GAREM1: variants seen among roughly 807,000 people sequenced by gnomAD.
GAREM1 encodes GRB2 associated regulator of MAPK1 subtype 1.
In GAREM1, 26 loss-of-function variants were observed where a neutral mutation model predicts 71.3. The observed-to-expected ratio is 0.36, with a 90% CI of 0.27 to 0.51. GAREM1 has a LOEUF of 0.51. Among genes scored for constraint, GAREM1 ranks in the 20% least tolerant of loss-of-function variants. The pLI is 0.95. For synonymous variants in GAREM1, 440 were observed against 433.2 expected (o/e 1.02, Z -0.20); for missense variants, 1,026 against 1,103.1 (o/e 0.93, Z 0.99).
intron 4 of GAREM1, among the ~76,000 whole-genome samples, chr18:32,277,498 G>A (rs2041558304): frequency 6.6e-6 from 1 of 152,210 alleles, no homozygotes; most frequent in African/African-American, 2.4e-5. Context: ...AAGCAAAGAT[G>A]AAACACACTA....
Position 32,419,337 on chromosome 18 carries a change from G to C in GAREM1, c.122-26302C>G, listed in dbSNP as rs138311613. The stretch of plus-strand genomic sequence containing the variant: ...CTGAATGCTTGTTTTCTCCCAAAGT[G>C]CATGTTGAAATCCTGACTTCCAGGG... On this transcript the variant is annotated intron_variant, in intron 1 of 5. Coordinates refer to ENST00000269209, the MANE Select transcript of GAREM1 (RefSeq NM_001242409.2). Among the ~76,000 whole-genome samples the C allele has an allele frequency of 2.4e-4, 37 of 152,242 alleles. No homozygotes were observed. In the East Asian group the frequency reaches 4.3e-3, roughly 17 times the overall value.
intron 2 of GAREM1, among the ~76,000 whole-genome samples, chr18:32,366,585 T>C (rs112276873): frequency 6.6e-6 from 1 of 152,228 alleles, no homozygotes; most frequent in African/African-American, 2.4e-5. Flanking sequence ...AAATGGCCGG[T>C]AGACTAGAAA....
intron 4 of GAREM1, among the ~76,000 whole-genome samples, chr18:32,281,973 C>T (rs1034079967): frequency 4.6e-5 from 7 of 152,152 alleles, no homozygotes; most frequent in African/African-American, 1.4e-4. Flanking sequence ...TGTGAAAGTC[C>T]TTTTCCTAGC....
chr18:32,395,999 G>A (rs2048251928), intron 1 of GAREM1, among the ~76,000 whole-genome samples: 1 of 152,202 alleles, frequency 6.6e-6, no homozygotes, highest in South Asian at 2.1e-4. Flanking sequence ...AACATTTGCT[G>A]TTCAGCAATA....
chr18:32,280,772 C>A (rs1011124173), intron 4 of GAREM1, among the ~76,000 whole-genome samples: 2 of 152,160 alleles, frequency 1.3e-5, no homozygotes, highest in African/African-American at 4.8e-5. Context: ...AGAAACCCAG[C>A]AGAATGAACT....
At chr18:32,387,508 C>T (rs1429074534) in intron 2 of GAREM1, among the ~76,000 whole-genome samples, 1 of 152,166 alleles carries the variant, frequency 6.6e-6, no homozygotes, top group African/African-American at 2.4e-5. Context: ...CTTTTGAATA[C>T]AATTTGTACG....
intron 2 of GAREM1, among the ~76,000 whole-genome samples, chr18:32,319,642 A>C (rs944787042): frequency 6.6e-6 from 1 of 152,184 alleles, no homozygotes; most frequent in African/African-American, 2.4e-5. Context: ...AAATAGTACT[A>C]CTAGAGGGTG....
In GAREM1 at chr18:32,325,783, T is replaced by C. The variant is rs1377777372; in HGVS notation, c.263-15460A>G. On this transcript the variant is annotated intron_variant, in intron 2 of 5. Transcript: ENST00000269209. ...TTTCCCTCGTATCATGCAACTTTGG[T>C]TGCATCATATCCTTCTACATCTCCA... 3.3e-5 allele frequency among the ~76,000 whole-genome samples: 5 copies of C among 152,310 alleles called. No individual in the cohort carries two copies. In the East Asian group the frequency reaches 9.7e-4, roughly 29 times the overall value.
At chr18:32,363,728 G>A (rs1335946595) in intron 2 of GAREM1, among the ~76,000 whole-genome samples, 3 of 151,748 alleles carry the variant, frequency 2.0e-5, no homozygotes, top group South Asian at 4.2e-4. Context: ...TTGAGACAAA[G>A]CCTTACAGCT....
chr18:32,341,076 C>A (rs1344160430), intron 2 of GAREM1, among the ~76,000 whole-genome samples: 1 of 151,936 alleles, frequency 6.6e-6, no homozygotes, highest in Admixed American at 6.6e-5. Flanking sequence ...TGTGCTGCAC[C>A]CATTAACTTG....
At chr18:32,316,252 A>G (rs1219108180) in intron 2 of GAREM1, among the ~76,000 whole-genome samples, 1 of 152,236 alleles carries the variant, frequency 6.6e-6, no homozygotes, top group Non-Finnish European at 1.5e-5. Context: ...ATTTATGCAC[A>G]TAGTATATCA....
intron 1 of GAREM1, among the ~76,000 whole-genome samples, chr18:32,450,985 A>T (rs994581452): frequency 8.2e-4 from 112 of 137,186 alleles, no homozygotes; most frequent in South Asian, 1.4e-3. Context: ...CATTTCTATT[A>T]AAAAAAAAAT....
intron 4 of GAREM1, among the ~76,000 whole-genome samples, chr18:32,272,558 T>TAA: frequency 6.6e-6 from 1 of 152,098 alleles, no homozygotes; most frequent in Non-Finnish European, 1.5e-5. Flanking sequence ...GAAATGAAGT[T>TAA]TGGATAATCA....
intron 3 of GAREM1, among the ~76,000 whole-genome samples, chr18:32,305,757 T>C (rs897250393): frequency 5.3e-5 from 8 of 152,190 alleles, no homozygotes; most frequent in Non-Finnish European, 1.5e-5. Context: ...TGACCTCAAG[T>C]GATCCACCCG....
At chr18:32,425,913 A>G (rs753952576) in intron 1 of GAREM1, among the ~76,000 whole-genome samples, 2 of 152,156 alleles carry the variant, frequency 1.3e-5, no homozygotes, top group African/African-American at 2.4e-5. Flanking sequence ...TTAAAGATTC[A>G]CAACTCCTTT....
chr18:32,391,455 C>T (rs565773794), intron 2 of GAREM1, among the ~76,000 whole-genome samples: 3 of 152,252 alleles, frequency 2.0e-5, no homozygotes, highest in South Asian at 2.1e-4. Flanking sequence ...CTTTTCACAG[C>T]GCTTTTGCGG....
intron 5 of GAREM1, among the ~76,000 whole-genome samples, chr18:32,269,855 C>G (rs956409355): frequency 6.6e-6 from 1 of 151,982 alleles, no homozygotes; most frequent in African/African-American, 2.4e-5. Flanking sequence ...AGGTCCTGGT[C>G]GAAGGTGTTG....
At chr18:32,395,289 C>A (rs993013690) in intron 1 of GAREM1, among the ~76,000 whole-genome samples, 3 of 152,174 alleles carry the variant, frequency 2.0e-5, no homozygotes, top group Non-Finnish European at 4.4e-5. Flanking sequence ...TTCACTCAAC[C>A]AATATAACAA....
rs193277098 is a variant in GAREM1 at position 32,312,712 on chromosome 18, T to C, written c.263-2389A>G. Among the ~76,000 whole-genome samples the C allele has an allele frequency of 2.0e-5, 3 of 152,298 alleles. No individual in the cohort carries two copies. In the East Asian group the frequency reaches 5.8e-4, roughly 29 times the overall value. Reference sequence around the variant, plus strand: ...GGGAGAAGAAACAAGCATGCTTGCATGCTGATGGGAATGACCAGCAGAGGG... The same window carrying C: ...GGGAGAAGAAACAAGCATGCTTGCACGCTGATGGGAATGACCAGCAGAGGG... On this transcript the variant is annotated intron_variant, in intron 2 of 5. Coordinates refer to ENST00000269209, the MANE Select transcript of GAREM1 (RefSeq NM_001242409.2).
Sources: gnomAD v4.1 joint callset for allele counts (sites outside exome capture counted in the v4.1 genomes callset) on GRCh38, gnomAD v4.1.1 for gene constraint, MANE v1.5 for transcripts, NCBI Gene and HGNC (gene_info 2026-07-23, HGNC 2026-07-21) for gene names.